LPCAT1: variants seen among roughly 807,000 people sequenced by gnomAD.
LPCAT1 encodes lysophosphatidylcholine acyltransferase 1, also known as 1-acylglycerol-3-phosphate O-acyltransferase.
LPCAT1 carries 23 observed loss-of-function variants against 60.9 expected under a neutral mutation model. That is an observed-to-expected ratio of 0.38 (90% CI 0.27 to 0.53). The LOEUF (loss-of-function observed/expected upper bound fraction) is 0.53. LPCAT1 is among the 20% of genes least tolerant of loss of function. LPCAT1 has a pLI of 0.82. For synonymous variants in LPCAT1, 340 were observed against 301.1 expected, an observed-to-expected ratio of 1.13 and a Z score of -1.34; for missense variants, 622 against 723.6, an observed-to-expected ratio of 0.86 and a Z score of 1.61.
Position 1,483,532 on chromosome 5 carries a change from G to C in LPCAT1, c.668-46C>G. 1 of 1,586,656 alleles carries C rather than the reference G, an allele frequency of 6.3e-7. No individual in the cohort carries two copies. Among genetic ancestry groups the C allele is most frequent in the Non-Finnish European group, 8.6e-7 (1 of 1,156,652 alleles). Reference sequence around the variant, plus strand: ...GTGTTGCCCATGGCAGCCCACGCAGGACAGCGTCTGCTGCGTTTCTCATGC... The same window carrying C: ...GTGTTGCCCATGGCAGCCCACGCAGCACAGCGTCTGCTGCGTTTCTCATGC... On this transcript the variant is annotated intron_variant, in intron 5 of 13. Transcript: ENST00000283415. This position sits in a 1 kb window ranked among gnomAD's most constrained non-coding sequence, Gnocchi z 9.2.
intron 3 of LPCAT1, among the ~76,000 whole-genome samples, chr5:1,492,528 G>A (rs1268127272): frequency 7.2e-6 from 1 of 139,300 alleles, no homozygotes; most frequent in Non-Finnish European, 1.5e-5. Flanking sequence ...GAATTCTAAC[G>A]AAAATTTCTG....
At chr5:1,473,001 C>G (rs1734748293) in intron 11 of LPCAT1, among the ~76,000 whole-genome samples, 1 of 151,942 alleles carries the variant, frequency 6.6e-6, no homozygotes. Flanking sequence ...CTCTTGCTCT[C>G]TCCAACCAGG....
At chr5:1,490,638 C>T (rs1735541613) in intron 3 of LPCAT1, among the ~76,000 whole-genome samples, 1 of 152,192 alleles carries the variant, frequency 6.6e-6, no homozygotes, top group South Asian at 2.1e-4. Context: ...AGCACAGCCC[C>T]AGTTTAACCA....
chr5:1,523,718 T>C lies in LPCAT1; in HGVS notation c.127A>G (p.Lys43Glu). Residue 43 changes from lysine (K) to glutamate (E), a missense_variant, in exon 1 of 14, where the codon AAG (lysine) becomes GAG (glutamate). This residue lies in a region of LPCAT1 where 125 missense variants were observed against 114.5 expected (regional missense o/e 1.09). Transcript: ENST00000283415. The surrounding 1 kb of genome is among the most constrained non-coding windows in gnomAD (Gnocchi z 7.1). ...VHELRLSALQ[K>E]AQVALMTLTL... The stretch of plus-strand genomic sequence containing the variant: ...GCGCCCTGGGCACCCACCTGGGCCT[T>C]CTGCAGGGCGCTGAGGCGCAGCTCG... The C allele has an allele frequency of 8.7e-7, 1 of 1,152,274 alleles. No individual in the cohort carries two copies. Among genetic ancestry groups the C allele is most frequent in the Non-Finnish European group, 1.1e-6 (1 of 932,720 alleles). The allele number at this position is 1,152,274 out of a possible 1,614,324, so 71.4% of individuals were successfully genotyped here.
chr5:1,518,949 C>T (rs889851324), intron 1 of LPCAT1, among the ~76,000 whole-genome samples: 2 of 152,236 alleles, frequency 1.3e-5, no homozygotes, highest in African/African-American at 2.4e-5. Context: ...AGAAAGGAAC[C>T]GTGCCTGCAG....
rs113155822 is a variant in LPCAT1, at chr5:1,466,817, A to G, written c.1352T>C (p.Val451Ala). The change falls in exon 13 of 14, where the codon GTG becomes GCG. Residue 451 changes from valine to alanine, a missense_variant. Coordinates refer to ENST00000283415, the MANE Select transcript of LPCAT1 (RefSeq NM_024830.5). The part of the protein sequence containing the change: ...LSCILKTALG[V>A]AELTVTDLFR... ...TAGGTCGGTCACGGTGAGCTCTGCC[A>G]CCCCCAGGGCCGTCTTGAGGATGCA... The G allele has an allele frequency of 3.1e-6, 5 of 1,612,512 alleles. No homozygotes were observed. The highest frequency in any genetic ancestry group is 1.7e-5 in the Admixed American group (1 of 59,894).
In LPCAT1 at chr5:1,495,921, G is replaced by C. The variant is rs1186478420; in HGVS notation, c.279-1007C>G. On this transcript the variant is annotated intron_variant, in intron 2 of 13. Transcript: ENST00000283415. The surrounding 1 kb of genome is among the most constrained non-coding windows in gnomAD (Gnocchi z 4.7). ...AGCCTCCTCTCGTGGGGCCACCTTG[G>C]AATGGCCTTTGTGTATGCGATGATA... Among the ~76,000 whole-genome samples, 1 of 152,242 alleles carries C rather than the reference G, an allele frequency of 6.6e-6. No individual in the cohort carries two copies. Among genetic ancestry groups the C allele is most frequent in the African/African-American group, 2.4e-5 (1 of 41,468 alleles).
Position 1,477,310 on chromosome 5 carries a change from T to C in LPCAT1, c.899+94A>G. The C allele has an allele frequency of 1.9e-6, 2 of 1,054,352 alleles. No homozygotes were observed. Among genetic ancestry groups the C allele is most frequent in the Non-Finnish European group, 2.8e-6 (2 of 702,584 alleles). The allele number at this position is 1,054,352 out of a possible 1,614,324, so 65.3% of individuals were successfully genotyped here. A position where few individuals can be genotyped will look rare whatever the true frequency, so the allele number is the denominator to read the frequency against. On this transcript the variant is annotated intron_variant, in intron 9 of 13. Coordinates refer to ENST00000283415, the MANE Select transcript of LPCAT1 (RefSeq NM_024830.5). This position sits in a 1 kb window ranked among gnomAD's most constrained non-coding sequence, Gnocchi z 6.0. ...TTCCCGCACTTCTGCAAGAATGCCT[T>C]TTCCTAACGCTGTTGCCTATTTTAA... is the stretch of plus-strand genomic sequence containing the variant.
chr5:1,504,830 A>C (rs1736134018), intron 1 of LPCAT1, among the ~76,000 whole-genome samples: 1 of 152,186 alleles, frequency 6.6e-6, no homozygotes, highest in East Asian at 1.9e-4. Flanking sequence ...GATAACCAGC[A>C]CTAAGAGAAA....
At position 1,495,278 on chromosome 5, in the gene LPCAT1, A is replaced by G. The variant is rs1735745208; in HGVS notation, c.279-364T>C. On this transcript the variant is annotated intron_variant, in intron 2 of 13. Coordinates refer to ENST00000283415, the MANE Select transcript of LPCAT1 (RefSeq NM_024830.5). The surrounding 1 kb of genome is among the most constrained non-coding windows in gnomAD (Gnocchi z 4.7). ...TTAGCAACTTATTTATCAGCATCCT[A>G]TCATTTTGAAATGGGAAAAACATTA... 6.6e-6 allele frequency among the ~76,000 whole-genome samples: 1 copy of G among 150,804 alleles called. No individual in the cohort carries two copies. The highest frequency in any genetic ancestry group is 1.5e-5 in the Non-Finnish European group (1 of 67,678).
At chr5:1,500,706 TG>T (rs1259834002) in intron 2 of LPCAT1, among the ~76,000 whole-genome samples, 1 of 152,028 alleles carries the variant, frequency 6.6e-6, no homozygotes, top group Non-Finnish European at 1.5e-5. Context: ...TGGCCAGAAA[TG>T]GGGATTTTGA....
Position 1,481,101 on chromosome 5 carries a change from G to C in LPCAT1, c.727-125C>G. 1 of 1,190,506 alleles carries C rather than the reference G, an allele frequency of 8.4e-7. No homozygotes were observed. Among genetic ancestry groups the C allele is most frequent in the Non-Finnish European group, 1.2e-6 (1 of 811,424 alleles). 73.7% of individuals were successfully genotyped at this position (1,190,506 alleles called of 1,614,324 possible). A position where few individuals can be genotyped will look rare whatever the true frequency, so the allele number is the denominator to read the frequency against. ...CAGAGGCGCTGCAGCCAGGGGGAAGGGAGGAGGGTGCTAGAGCTCCAGCTT... is the reference window on the plus strand; with the variant it reads ...CAGAGGCGCTGCAGCCAGGGGGAAGCGAGGAGGGTGCTAGAGCTCCAGCTT... On this transcript the variant is annotated intron_variant, in intron 6 of 13. Transcript: ENST00000283415. The surrounding 1 kb of genome is among the most constrained non-coding windows in gnomAD (Gnocchi z 7.8).
At position 1,517,009 on chromosome 5, in the gene LPCAT1, C is replaced by T. The variant is rs148873331; in HGVS notation, c.135+6701G>A. On this transcript the variant is annotated intron_variant, in intron 1 of 13. Coordinates refer to ENST00000283415, the MANE Select transcript of LPCAT1 (RefSeq NM_024830.5). The stretch of plus-strand genomic sequence containing the variant: ...AGTATCCCCCAGGGTTGCAAAATGA[C>T]GTGGGTTTCACAGGGACAAACAGTG... Among the ~76,000 whole-genome samples the T allele has an allele frequency of 4.9e-3, 747 of 152,302 alleles. 7 individuals carry two copies. Among genetic ancestry groups the T allele is most frequent in the African/African-American group, 0.017 (705 of 41,560 alleles).
chr5:1,465,649 GTAAC>G (rs1333722411), intron 13 of LPCAT1, among the ~76,000 whole-genome samples: 1 of 151,168 alleles, frequency 6.6e-6, no homozygotes, highest in Non-Finnish European at 1.5e-5. Flanking sequence ...CACAGACACG[GTAAC>G]TAAACACGTG....
At chr5:1,473,689 A>G (rs537338296) in intron 11 of LPCAT1, among the ~76,000 whole-genome samples, 1 of 152,290 alleles carries the variant, frequency 6.6e-6, no homozygotes, top group Non-Finnish European at 1.5e-5. Context: ...TCACAGTTTG[A>G]TATTGTTAGA....
rs1180964709 is a variant in LPCAT1, at chr5:1,502,142, T to C, written c.136-539A>G. ...TCCTGCCTCCTTACTGGAGCTGCCATGCGAGTGGCTTGGGAAAGACACAGT... is the reference window on the plus strand; with the variant it reads ...TCCTGCCTCCTTACTGGAGCTGCCACGCGAGTGGCTTGGGAAAGACACAGT... On this transcript the variant is annotated intron_variant, in intron 1 of 13. Transcript: ENST00000283415. This position sits in a 1 kb window ranked among gnomAD's most constrained non-coding sequence, Gnocchi z 5.5. Among the ~76,000 whole-genome samples, 2 of 152,194 alleles carry C rather than the reference T, an allele frequency of 1.3e-5. No homozygotes were observed. Among genetic ancestry groups the C allele is most frequent in the South Asian group, 2.1e-4 (1 of 4,834 alleles).
At chr5:1,509,390 C>T (rs1034559830) in intron 1 of LPCAT1, among the ~76,000 whole-genome samples, 1 of 152,276 alleles carries the variant, frequency 6.6e-6, no homozygotes, top group Non-Finnish European at 1.5e-5. Flanking sequence ...ACGTGCACTC[C>T]TCCCACGGTG....
intron 12 of LPCAT1, among the ~76,000 whole-genome samples, chr5:1,469,622 C>T (rs1049946260): frequency 1.3e-5 from 2 of 152,060 alleles, no homozygotes; most frequent in African/African-American, 4.8e-5. Context: ...TCTAAAATTA[C>T]AAAAATTAGC....
intron 1 of LPCAT1, among the ~76,000 whole-genome samples, chr5:1,518,262 GA>G (rs560015068): frequency 6.6e-6 from 1 of 152,222 alleles, no homozygotes; most frequent in Non-Finnish European, 1.5e-5. Context: ...AAACACAGCT[GA>G]AAAAAAAGAG....
Sources: allele counts gnomAD v4.1 joint callset (sites outside exome capture counted in the v4.1 genomes callset), GRCh38; gene constraint gnomAD v4.1.1; regional missense constraint gnomAD v4.1.1; non-coding constraint Gnocchi (gnomAD v3.1); transcripts MANE v1.5; gene names NCBI Gene and HGNC (gene_info 2026-07-23, HGNC 2026-07-21).